GALNT10: variants seen among roughly 807,000 people sequenced by gnomAD.
The protein encoded by GALNT10 is GalNAc transferase 10.
Under a neutral mutation model 75.0 loss-of-function variants are expected in GALNT10, and 41 were observed. The observed-to-expected ratio is 0.55, with a 90% CI of 0.43 to 0.71. The LOEUF (loss-of-function observed/expected upper bound fraction) is 0.71, where lower values mean the gene tolerates loss of function less well. Among genes scored for constraint, GALNT10 ranks in the 30% least tolerant of loss-of-function variants. The probability of loss-of-function intolerance (pLI) is 0.00; values close to 1 mark genes in which losing one functional copy is unlikely to be tolerated. For synonymous variants in GALNT10, 302 were observed against 313.0 expected (o/e 0.96, Z 0.37); for missense variants, 727 against 818.5 (o/e 0.89, Z 1.36).
intron 7 of GALNT10, among the ~76,000 whole-genome samples, chr5:154,395,287 C>T (rs1177273660): frequency 6.6e-6 from 1 of 152,194 alleles, no homozygotes; most frequent in Non-Finnish European, 1.5e-5. Context: ...CAGAACAGCA[C>T]AGTATTACAC....
At chr5:154,231,239 G>C (rs1036633369) in intron 1 of GALNT10, among the ~76,000 whole-genome samples, 10 of 152,178 alleles carry the variant, frequency 6.6e-5, no homozygotes, top group African/African-American at 2.4e-4. Context: ...TTCCAAGTTG[G>C]TATAATGCAT....
intron 8 of GALNT10, chr5:154,406,405 T>C (rs1249563227): frequency 1.3e-5 from 2 of 152,262 alleles, no homozygotes; most frequent in Non-Finnish European, 2.9e-5. Flanking sequence ...GGTCTGATTA[T>C]GTGTGGGTTC....
chr5:154,207,863 C>T (rs1775134793), intron 1 of GALNT10, among the ~76,000 whole-genome samples: 1 of 152,196 alleles, frequency 6.6e-6, no homozygotes, highest in African/African-American at 2.4e-5. Context: ...ACTCCATCCT[C>T]AGTTCCCAGG....
rs1297469739 is a variant in GALNT10 at position 154,412,375 on chromosome 5, T to A, written c.1387-514T>A. On this transcript the variant is annotated intron_variant, in intron 9 of 11. Coordinates refer to ENST00000297107, the MANE Select transcript of GALNT10 (RefSeq NM_198321.4). This position sits in a 1 kb window ranked among gnomAD's most constrained non-coding sequence, Gnocchi z 4.2. The stretch of plus-strand genomic sequence containing the variant: ...TGGTTGAAGGGGAAGAGGCAACTAT[T>A]GTTCTTTGGATCTCAGCAGGGGGTG... 6.3e-6 allele frequency: 1 copy of A among 159,802 alleles called. No individual in the cohort carries two copies. Among genetic ancestry groups the A allele is most frequent in the Non-Finnish European group, 1.4e-5 (1 of 72,808 alleles). The allele number at this position is 159,802 out of a possible 1,614,324, so 9.9% of individuals were successfully genotyped here. A position where few individuals can be genotyped will look rare whatever the true frequency, so the allele number is the denominator to read the frequency against.
chr5:154,312,127 TGTTGGCCTTGAAAGG>T (rs926766685), intron 3 of GALNT10, among the ~76,000 whole-genome samples: 12 of 152,128 alleles, frequency 7.9e-5, no homozygotes, highest in Non-Finnish European at 1.3e-4. Context: ...TTCTAAGTGG[TGTTGGCCTTGAAAGG>T]GTTTAAGCAA....
At chr5:154,316,434 A>G (rs752235887) in intron 3 of GALNT10, among the ~76,000 whole-genome samples, 1 of 152,204 alleles carries the variant, frequency 6.6e-6, no homozygotes, top group East Asian at 1.9e-4. Flanking sequence ...CAACTCAGCA[A>G]CTATTCATGG....
Position 154,190,836 on chromosome 5 carries a change from CGGCGGGGCGCGGCGGGGCT to C in GALNT10, c.-29_-11del. 8.8e-7 allele frequency: 1 copy of C among 1,135,278 alleles called. No individual in the cohort carries two copies. The highest frequency in any genetic ancestry group is 1.1e-6 in the Non-Finnish European group (1 of 923,920). 70.3% of individuals were successfully genotyped at this position (1,135,278 alleles called of 1,614,324 possible). ...GGAGCTGGGGGCGGCGCGGCGGGGC[CGGCGGGGCGCGGCGGGGCT>C]GACCGGCCCCGATGAGGCGGAAGGA... On this transcript the variant is annotated 5_prime_UTR_variant, in exon 1 of 12. Coordinates refer to ENST00000297107, the MANE Select transcript of GALNT10 (RefSeq NM_198321.4).
At chr5:154,299,780 T>C (rs566890896) in intron 3 of GALNT10, among the ~76,000 whole-genome samples, 1 of 151,998 alleles carries the variant, frequency 6.6e-6, no homozygotes, top group Non-Finnish European at 1.5e-5. Context: ...CTCACTGTGC[T>C]TTCCCACGGG....
intron 1 of GALNT10, among the ~76,000 whole-genome samples, chr5:154,194,887 A>G (rs573556585): frequency 1.9e-4 from 29 of 152,250 alleles, no homozygotes; most frequent in African/African-American, 7.0e-4. Context: ...GGCTTTTCCA[A>G]CTCTTACATC....
chr5:154,384,025 G>A (rs1260586363), intron 6 of GALNT10, among the ~76,000 whole-genome samples: 2 of 152,170 alleles, frequency 1.3e-5, no homozygotes, highest in Non-Finnish European at 2.9e-5. Flanking sequence ...CGGCAGGAGA[G>A]AGAAGTGCTG....
At chr5:154,411,303 A>G (rs563017604) in intron 9 of GALNT10, among the ~76,000 whole-genome samples, 2 of 152,178 alleles carry the variant, frequency 1.3e-5, no homozygotes, top group African/African-American at 4.8e-5. Flanking sequence ...TGCTGAAGGT[A>G]TCAAAATGGC....
At chr5:154,340,451 G>C (rs1182519088) in intron 4 of GALNT10, among the ~76,000 whole-genome samples, 1 of 152,100 alleles carries the variant, frequency 6.6e-6, no homozygotes, top group Admixed American at 6.6e-5. Flanking sequence ...TGCCCCGCCT[G>C]CTAAATAAAA....
chr5:154,289,696 T>TA (rs1754165218), intron 1 of GALNT10, among the ~76,000 whole-genome samples: 1 of 152,230 alleles, frequency 6.6e-6, no homozygotes, highest in Admixed American at 6.5e-5. Flanking sequence ...ATGTGTTTTC[T>TA]AAAAAAGGTA....
chr5:154,292,776 GTGT>G (rs1754213744), intron 1 of GALNT10, among the ~76,000 whole-genome samples: 1 of 152,170 alleles, frequency 6.6e-6, no homozygotes. Context: ...TAAAACAGAT[GTGT>G]TGTTGCTCTG....
At chr5:154,283,905 C>G (rs1273271807) in intron 1 of GALNT10, among the ~76,000 whole-genome samples, 2 of 152,180 alleles carry the variant, frequency 1.3e-5, no homozygotes, top group African/African-American at 4.8e-5. Context: ...CTGACCAATG[C>G]CAGCTGATGG....
At chr5:154,346,371 C>G (rs188027178) in intron 4 of GALNT10, among the ~76,000 whole-genome samples, 109 of 152,254 alleles carry the variant, frequency 7.2e-4, no homozygotes, top group African/African-American at 2.5e-3. Flanking sequence ...TTTTGAGGAA[C>G]CTCCATACTG....
intron 1 of GALNT10, among the ~76,000 whole-genome samples, chr5:154,282,021 A>G (rs1754045523): frequency 1.3e-5 from 2 of 152,216 alleles, no homozygotes; most frequent in Non-Finnish European, 2.9e-5. Context: ...CAGAAACTAG[A>G]TAATGTATAA....
At chr5:154,294,587 T>C (rs937343110) in intron 1 of GALNT10, among the ~76,000 whole-genome samples, 8 of 152,240 alleles carry the variant, frequency 5.3e-5, no homozygotes, top group African/African-American at 7.2e-5. Flanking sequence ...CCACCACCGA[T>C]TTGTGAGTTC....
At chr5:154,288,551 A>C (rs947946013) in intron 1 of GALNT10, among the ~76,000 whole-genome samples, 1 of 151,586 alleles carries the variant, frequency 6.6e-6, no homozygotes, top group Non-Finnish European at 1.5e-5. Flanking sequence ...TTATTATTTA[A>C]TGTGATTTCC....
Sources: gnomAD v4.1 joint callset for allele counts (sites outside exome capture counted in the v4.1 genomes callset) on GRCh38, gnomAD v4.1.1 for gene constraint, Gnocchi (gnomAD v3.1) non-coding constraint, MANE v1.5 for transcripts, NCBI Gene and HGNC (gene_info 2026-07-23, HGNC 2026-07-21) for gene names.